Variants in HECW1 observed in about 807,000 individuals in gnomAD.
HECW1 encodes the protein HECT, C2 and WW domain containing E3 ubiquitin protein ligase 1.
HECW1 carries 61 observed loss-of-function variants against 182.3 expected under a neutral mutation model. That is an observed-to-expected ratio of 0.33 (90% CI 0.27 to 0.41). HECW1 has a LOEUF of 0.41. HECW1 is among the 10% of genes least tolerant of loss of function. HECW1 has a pLI of 1.00. For missense variants in HECW1, 1,739 were observed against 2,108.9 expected (o/e 0.82, Z 3.44); for synonymous variants, 859 against 832.6 (o/e 1.03, Z -0.55).
At chr7:43,362,395 G>T (rs188419329) in intron 6 of HECW1, among the ~76,000 whole-genome samples, 1 of 152,160 alleles carries the variant, frequency 6.6e-6, no homozygotes, top group Admixed American at 6.5e-5. Flanking sequence ...AGCGGGAAGC[G>T]CAGTGGGAAG....
At chr7:43,549,149 A>G (rs1188634345) in intron 26 of HECW1, among the ~76,000 whole-genome samples, 1 of 152,140 alleles carries the variant, frequency 6.6e-6, no homozygotes, top group Non-Finnish European at 1.5e-5. Context: ...ACAGTGCCAT[A>G]CACTTCTGCT....
chr7:43,375,943 G>A (rs1200776432), intron 6 of HECW1, among the ~76,000 whole-genome samples: 2 of 148,650 alleles, frequency 1.3e-5, no homozygotes, highest in African/African-American at 4.9e-5. Context: ...GACTTGCCAT[G>A]GTAAAGATAA....
At chr7:43,412,244 A>G (rs1243241400) in intron 8 of HECW1, among the ~76,000 whole-genome samples, 3 of 152,030 alleles carry the variant, frequency 2.0e-5, no homozygotes, top group Non-Finnish European at 4.4e-5. Context: ...GCATTTATCC[A>G]CACTCGTGAT....
intron 24 of HECW1, among the ~76,000 whole-genome samples, chr7:43,525,090 C>T (rs949849889): frequency 6.6e-6 from 1 of 152,128 alleles, no homozygotes; most frequent in Non-Finnish European, 1.5e-5. Flanking sequence ...GGCATGATTA[C>T]ACAAATGAAC....
chr7:43,190,392 G>A (rs1229199813), intron 2 of HECW1, among the ~76,000 whole-genome samples: 3 of 152,192 alleles, frequency 2.0e-5, no homozygotes, highest in Admixed American at 1.3e-4. Context: ...GGTTACAGGC[G>A]TGAGCCCCTG....
intron 2 of HECW1, among the ~76,000 whole-genome samples, chr7:43,115,170 A>G (rs575087724): frequency 3.3e-5 from 5 of 152,314 alleles, no homozygotes; most frequent in Admixed American, 2.6e-4. Context: ...AATAATTATA[A>G]CGTGAACCAT....
chr7:43,365,721 A>G (rs1239854693), intron 6 of HECW1, among the ~76,000 whole-genome samples: 2 of 152,166 alleles, frequency 1.3e-5, no homozygotes, highest in South Asian at 2.1e-4. Context: ...TTCTTCCTTC[A>G]TGTTAATCTA....
rs550586127 is a variant in HECW1 at position 43,442,557 on chromosome 7, C to T, written c.973C>T (p.Arg325Cys). 20 of 1,613,744 alleles carry T rather than the reference C, an allele frequency of 1.2e-5. No homozygotes were observed. The highest frequency in any genetic ancestry group is 4.5e-5 in the East Asian group (2 of 44,876). The change falls in exon 10 of 30, where the codon CGC becomes TGC. Residue 325 changes from arginine (R) to cysteine (C), a missense_variant. Coordinates refer to ENST00000395891, the MANE Select transcript of HECW1 (RefSeq NM_015052.5). ...TAGGGTGGTCAGCTACACACTTGGC[C>T]GCAGGCTTCCAACAGATCATGTGAG... ...GDRVVSYTLG[R>C]RLPTDHVSGQ...
At chr7:43,166,740 A>C (rs766115438) in intron 2 of HECW1, among the ~76,000 whole-genome samples, 1 of 152,238 alleles carries the variant, frequency 6.6e-6, no homozygotes, top group Non-Finnish European at 1.5e-5. Flanking sequence ...ACTGAGGTGA[A>C]TGCTGCAAAC....
chr7:43,271,732 C>T (rs918133902), intron 3 of HECW1, among the ~76,000 whole-genome samples: 1 of 152,084 alleles, frequency 6.6e-6, no homozygotes, highest in Non-Finnish European at 1.5e-5. Context: ...ATCCCATGCT[C>T]GTGGATTGAA....
intron 24 of HECW1, among the ~76,000 whole-genome samples, chr7:43,514,569 G>A (rs900641883): frequency 3.3e-5 from 5 of 152,112 alleles, no homozygotes; most frequent in African/African-American, 7.2e-5. Flanking sequence ...GATTACAGGC[G>A]TGAGCCAACG....
Position 43,475,914 on chromosome 7 carries a change from A to T in HECW1, c.3100-3696A>T, listed in dbSNP as rs117182030. Among the ~76,000 whole-genome samples, 1,156 of 152,322 alleles carry T rather than the reference A, an allele frequency of 7.6e-3. 10 individuals carry two copies. The highest frequency in any genetic ancestry group is 0.013 in the Non-Finnish European group (859 of 68,030). ...CTAAGAATGTAAATATGTTTTCGTG[A>T]CCTAATAAAGCCTCCTTTAAAACAG... On this transcript the variant is annotated intron_variant, in intron 16 of 29. Transcript: ENST00000395891.
chr7:43,546,157 G>A (rs535330118), intron 26 of HECW1, among the ~76,000 whole-genome samples: 7 of 150,478 alleles, frequency 4.7e-5, no homozygotes, highest in East Asian at 3.9e-4. Context: ...TTCCTCTGGC[G>A]TGGTGTCTGT....
intron 3 of HECW1, among the ~76,000 whole-genome samples, chr7:43,262,526 A>G (rs1185332274): frequency 2.0e-5 from 3 of 152,130 alleles, no homozygotes; most frequent in Non-Finnish European, 4.4e-5. Context: ...TTTTAAAACT[A>G]TGTTCTTTCC....
chr7:43,379,033 A>G (rs2074443527), intron 6 of HECW1, among the ~76,000 whole-genome samples: 1 of 152,162 alleles, frequency 6.6e-6, no homozygotes. Flanking sequence ...TGTTGGACTA[A>G]TAGGCATAGG....
chr7:43,458,664 C>G (rs1364258193), intron 13 of HECW1, among the ~76,000 whole-genome samples: 1 of 152,204 alleles, frequency 6.6e-6, no homozygotes, highest in Non-Finnish European at 1.5e-5. Flanking sequence ...TTTTTCCATA[C>G]TTAACCTATT....
At chr7:43,488,398 G>GAGAGAGAGA (rs1563045335) in intron 17 of HECW1, among the ~76,000 whole-genome samples, 1 of 83,936 alleles carries the variant, frequency 1.2e-5, no homozygotes, top group African/African-American at 5.1e-5. Context: ...AAGGAAGGAA[G>GAGAGAGAGA]GAAATGAAAG....
intron 12 of HECW1, among the ~76,000 whole-genome samples, chr7:43,453,356 A>G (rs1284855982): frequency 6.6e-6 from 1 of 152,180 alleles, no homozygotes; most frequent in Non-Finnish European, 1.5e-5. Flanking sequence ...TGGATGTGAG[A>G]GAAAGATAGG....
At chr7:43,300,801 G>A (rs1806661093) in intron 3 of HECW1, among the ~76,000 whole-genome samples, 1 of 152,132 alleles carries the variant, frequency 6.6e-6, no homozygotes, top group Non-Finnish European at 1.5e-5. Flanking sequence ...CCAACATGGG[G>A]CCTTCTTCTG....
Sources: allele counts gnomAD v4.1 joint callset (sites outside exome capture counted in the v4.1 genomes callset), GRCh38; gene constraint gnomAD v4.1.1; transcripts MANE v1.5; gene names NCBI Gene and HGNC (gene_info 2026-07-23, HGNC 2026-07-21).